The following CD96 variants were observed in gnomAD, a reference collection of about 807,000 sequenced individuals.
CD96 encodes CD96 molecule, also known as T-cell surface protein tactile.
In CD96, 70 loss-of-function variants were observed where a neutral mutation model predicts 71.3. The observed-to-expected ratio is 0.98, with a 90% CI of 0.81 to 1.20. CD96 has a LOEUF of 1.20. Among genes scored for constraint, CD96 ranks in the 50% most tolerant of loss-of-function variants. The probability of loss-of-function intolerance (pLI) is 0.00; values close to 1 mark genes in which losing one functional copy is unlikely to be tolerated. For synonymous variants in CD96, 248 were observed against 233.0 expected (o/e 1.06, Z -0.59); for missense variants, 742 against 677.5 (o/e 1.10, Z -1.06).
chr3:111,581,351 A>T (rs552301715), intron 4 of CD96, among the ~76,000 whole-genome samples: 1 of 152,186 alleles, frequency 6.6e-6, no homozygotes, highest in Non-Finnish European at 1.5e-5. Context: ...CACATATCTT[A>T]TAAGAACCTA....
At chr3:111,554,376 C>G (rs1024255137) in intron 2 of CD96, among the ~76,000 whole-genome samples, 6 of 151,950 alleles carry the variant, frequency 3.9e-5, no homozygotes, top group African/African-American at 1.4e-4. Flanking sequence ...ATTTGTCCAC[C>G]TTTTGATCTA....
chr3:111,567,668 T>C (rs368955050), intron 3 of CD96, 21 bp downstream of exon 3: 1 of 1,605,250 alleles, frequency 6.2e-7, no homozygotes, highest in Non-Finnish European at 8.5e-7. Flanking sequence ...CCCTTTTCAG[T>C]GAATAACCTC....
At chr3:111,564,098 A>T (rs1025629960) in intron 2 of CD96, among the ~76,000 whole-genome samples, 1 of 152,146 alleles carries the variant, frequency 6.6e-6, no homozygotes, top group Non-Finnish European at 1.5e-5. Context: ...TTTTATATGA[A>T]CATGCTTAAA....
chr3:111,634,535 G>A (rs1007598533), intron 10 of CD96: 1 of 152,312 alleles, frequency 6.6e-6, no homozygotes, highest in Non-Finnish European at 1.5e-5. Context: ...GGATTTAAAG[G>A]AGAATTACCT....
intron 11 of CD96, among the ~76,000 whole-genome samples, 169 bp from the exon 12 acceptor site, chr3:111,637,910 C>T (rs889280819): frequency 1.3e-5 from 2 of 151,802 alleles, no homozygotes; most frequent in Non-Finnish European, 2.9e-5. Context: ...ATCTCAGGAT[C>T]CCAGCCTTGC....
intron 2 of CD96, among the ~76,000 whole-genome samples, chr3:111,560,317 A>G (rs1234198116): frequency 6.6e-6 from 1 of 151,528 alleles, no homozygotes; most frequent in Non-Finnish European, 1.5e-5. Context: ...TGGTCTTTAC[A>G]TTTTGGCATG....
intron 2 of CD96, among the ~76,000 whole-genome samples, chr3:111,564,012 T>A (rs1447916742): frequency 1.3e-5 from 2 of 152,142 alleles, no homozygotes; most frequent in Non-Finnish European, 2.9e-5. Context: ...ACTCTATTGT[T>A]TTCTGGCAGA....
downstream of CD96, among the ~76,000 whole-genome samples, chr3:111,655,417 C>T (rs1940205605): frequency 6.6e-6 from 1 of 151,960 alleles, no homozygotes. Flanking sequence ...CAAATATATA[C>T]AGTACAGTGT....
chr3:111,628,954 A>G (rs777815832), intron 10 of CD96, among the ~76,000 whole-genome samples: 13 of 152,232 alleles, frequency 8.5e-5, no homozygotes, highest in Non-Finnish European at 1.3e-4. Context: ...TTTTCAGACA[A>G]GCAAATGCTG....
At chr3:111,550,454 G>T (rs1178220482) in intron 2 of CD96, among the ~76,000 whole-genome samples, 1 of 152,032 alleles carries the variant, frequency 6.6e-6, no homozygotes, top group Non-Finnish European at 1.5e-5. Flanking sequence ...ACTTGACTGT[G>T]CTTCAAAGTT....
In CD96 at chr3:111,647,628, T is replaced by C. The variant is rs1486542965; in HGVS notation, c.1563T>C (p.Gly521=). 1 of 1,611,718 alleles carries C rather than the reference T, an allele frequency of 6.2e-7. No homozygotes were observed. ...ALLFCCMILF[G]LGVRKWCQYQ... Reference sequence around the variant, plus strand: ...TCTTTTGCTGCATGATATTGTTTGGTCTTGGAGTGAGAAAATGGTGTCAGT... The same window carrying C: ...TCTTTTGCTGCATGATATTGTTTGGCCTTGGAGTGAGAAAATGGTGTCAGT... The change falls in exon 13 of 14, where the codon GGT becomes GGC. Residue 521 remains glycine (G), a synonymous_variant. Transcript: ENST00000352690.
At chr3:111,570,819 A>G (rs963077888) in intron 3 of CD96, 6 of 1,613,188 alleles carry the variant, frequency 3.7e-6, no homozygotes, top group Non-Finnish European at 5.1e-6. Flanking sequence ...AGGCACCGGG[A>G]TGGGGGACCC....
chr3:111,552,639 CCTGA>C (rs1291113170), intron 2 of CD96, among the ~76,000 whole-genome samples: 4 of 152,036 alleles, frequency 2.6e-5, no homozygotes, highest in African/African-American at 9.7e-5. Context: ...AATGAATGGG[CCTGA>C]CTGTGTTCTA....
chr3:111,630,673 C>T (rs886885118), intron 10 of CD96, among the ~76,000 whole-genome samples: 1 of 152,164 alleles, frequency 6.6e-6, no homozygotes, highest in South Asian at 2.1e-4. Context: ...CCAGCATCAT[C>T]CTGATACCAA....
intron 11 of CD96, 55 bp downstream of exon 11, chr3:111,637,316 G>GA: frequency 1.1e-6 from 1 of 939,902 alleles, no homozygotes. Context: ...GCTTTATTTG[G>GA]ACACAGGTGT....
intron 7 of CD96, among the ~76,000 whole-genome samples, chr3:111,604,000 T>G (rs1450767011): frequency 6.6e-6 from 1 of 152,186 alleles, no homozygotes; most frequent in African/African-American, 2.4e-5. Context: ...AAATTCTGAT[T>G]AAGTAAATCT....
rs371628862 is a variant in CD96 at position 111,592,610 on chromosome 3, A to G, written c.808-5510A>G. Among the ~76,000 whole-genome samples the G allele has an allele frequency of 3.2e-3, 491 of 152,074 alleles. 4 individuals carry two copies. Among genetic ancestry groups the G allele is most frequent in the South Asian group, 0.022 (106 of 4,814 alleles). The stretch of plus-strand genomic sequence containing the variant: ...CATCTTTGCATTTCTTCTCTATCCC[A>G]TTTATTTCTAACTTTCCTTCCTCTG... On this transcript the variant is annotated intron_variant, in intron 5 of 13. Coordinates refer to ENST00000352690, the MANE Select transcript of CD96 (RefSeq NM_005816.5).
At chr3:111,641,514 C>A (rs1368011006) in intron 12 of CD96, among the ~76,000 whole-genome samples, 3 of 152,078 alleles carry the variant, frequency 2.0e-5, no homozygotes, top group Non-Finnish European at 4.4e-5. Context: ...ACTAATAGAC[C>A]TAAGAAATGA....
chr3:111,554,491 G>A (rs1479292574), intron 2 of CD96, among the ~76,000 whole-genome samples: 1 of 151,974 alleles, frequency 6.6e-6, no homozygotes, highest in Non-Finnish European at 1.5e-5. Context: ...CTGTTCCTAT[G>A]TCTATTTTTC....
Sources: gnomAD v4.1 joint callset for allele counts (sites outside exome capture counted in the v4.1 genomes callset) on GRCh38, gnomAD v4.1.1 for gene constraint, MANE v1.5 for transcripts, NCBI Gene and HGNC (gene_info 2026-07-23, HGNC 2026-07-21) for gene names.